The following POFUT3 variants were observed in gnomAD, a reference collection of about 807,000 sequenced individuals.
The protein encoded by POFUT3 is protein O-fucosyltransferase 3.
chr8:33,328,569 G>A, the POFUT3 span, among the ~76,000 whole-genome samples: 231 of 152,220 alleles, frequency 1.5e-3, 4 homozygotes, highest in African/African-American at 5.4e-3. Context: ...GGAGGGAACA[G>A]TCAATGAGTC....
At chr8:33,434,771 T>C in the POFUT3 span, among the ~76,000 whole-genome samples, 126 of 151,940 alleles carry the variant, frequency 8.3e-4, no homozygotes, top group Non-Finnish European at 1.4e-3. Context: ...GATGTGCACC[T>C]CCACCCCTGC....
the POFUT3 span, chr8:33,455,624 T>C: frequency 7.0e-6 from 2 of 284,266 alleles, no homozygotes; most frequent in East Asian, 8.8e-5. Context: ...ACTGAAAGTT[T>C]AGTAGACTAT....
chr8:33,470,622 A>G, the POFUT3 span, among the ~76,000 whole-genome samples: 1 of 152,190 alleles, frequency 6.6e-6, no homozygotes, highest in African/African-American at 2.4e-5. Context: ...TTCCCACCCT[A>G]CAAGATACTC....
chr8:33,386,546 C>T, the POFUT3 span, among the ~76,000 whole-genome samples: 37 of 152,180 alleles, frequency 2.4e-4, no homozygotes, highest in South Asian at 6.2e-4. Flanking sequence ...CGCTGTGGCT[C>T]ATGCCTGTAA....
chr8:33,322,272 G>C, the POFUT3 span, among the ~76,000 whole-genome samples: 1 of 152,074 alleles, frequency 6.6e-6, no homozygotes, highest in Non-Finnish European at 1.5e-5. Flanking sequence ...CTGTGGGCTG[G>C]AGGAGAGATT....
At chr8:33,409,167 A>G in the POFUT3 span, among the ~76,000 whole-genome samples, 1 of 152,174 alleles carries the variant, frequency 6.6e-6, no homozygotes, top group Admixed American at 6.5e-5. Flanking sequence ...TAGTGTCACA[A>G]TCTCGGCTCA....
chr8:33,406,042 T>C, the POFUT3 span, among the ~76,000 whole-genome samples: 1 of 152,162 alleles, frequency 6.6e-6, no homozygotes, highest in Non-Finnish European at 1.5e-5. Context: ...CTCAAATTTC[T>C]AGATATTAGA....
At chr8:33,318,013 C>T in the POFUT3 span, among the ~76,000 whole-genome samples, 7 of 152,068 alleles carry the variant, frequency 4.6e-5, no homozygotes, top group African/African-American at 1.4e-4. Flanking sequence ...GAATAAAATG[C>T]CAATTTCAAA....
the POFUT3 span, among the ~76,000 whole-genome samples, chr8:33,405,445 A>G: frequency 1.3e-5 from 2 of 152,202 alleles, no homozygotes; most frequent in Non-Finnish European, 2.9e-5. Flanking sequence ...CTCATTAAAA[A>G]ATGATGAAGC....
At chr8:33,468,176 G>A in the POFUT3 span, among the ~76,000 whole-genome samples, 1 of 151,584 alleles carries the variant, frequency 6.6e-6, no homozygotes, top group Non-Finnish European at 1.5e-5. Flanking sequence ...GGAGGCAGAG[G>A]ATGCAGTGAG....
At chr8:33,454,380 C>T in the POFUT3 span, among the ~76,000 whole-genome samples, 3 of 152,222 alleles carry the variant, frequency 2.0e-5, no homozygotes, top group Admixed American at 6.5e-5. Flanking sequence ...CACCTCTTCT[C>T]TCTGACCATG....
chr8:33,391,272 G>A, the POFUT3 span, among the ~76,000 whole-genome samples: 6,959 of 152,200 alleles, frequency 0.046, 521 homozygotes, highest in African/African-American at 0.16. Flanking sequence ...ATCAGATAAG[G>A]TTATGTCACA....
At chr8:33,341,291 C>A in the POFUT3 span, among the ~76,000 whole-genome samples, 1 of 151,606 alleles carries the variant, frequency 6.6e-6, no homozygotes, top group Non-Finnish European at 1.5e-5. Flanking sequence ...AAGAATTAGC[C>A]GAGGCTGGTG....
chr8:33,375,883 G>C, the POFUT3 span, among the ~76,000 whole-genome samples: 6 of 151,994 alleles, frequency 3.9e-5, no homozygotes, highest in Non-Finnish European at 8.8e-5. Context: ...CGGGTGTGGT[G>C]GCGCGTGCCT....
At chr8:33,400,709 G>A in the POFUT3 span, among the ~76,000 whole-genome samples, 1 of 152,002 alleles carries the variant, frequency 6.6e-6, no homozygotes, top group African/African-American at 2.4e-5. Context: ...AGTTAAATTG[G>A]TTTAAGTATC....
At chr8:33,363,865 T>G in the POFUT3 span, among the ~76,000 whole-genome samples, 1 of 152,204 alleles carries the variant, frequency 6.6e-6, no homozygotes, top group Non-Finnish European at 1.5e-5. Flanking sequence ...GTACCATTCC[T>G]TCTGAAACTA....
the POFUT3 span, among the ~76,000 whole-genome samples, chr8:33,399,701 C>T: frequency 3.3e-5 from 5 of 151,814 alleles, no homozygotes; most frequent in South Asian, 1.0e-3. Context: ...ATTGCCCAGG[C>T]TGGAATGCAG....
chr8:33,352,726 C>T, the POFUT3 span, among the ~76,000 whole-genome samples: 2 of 152,174 alleles, frequency 1.3e-5, no homozygotes, highest in Non-Finnish European at 2.9e-5. Flanking sequence ...TTGGGAAAAG[C>T]CACATGTCTC....
At chr8:33,461,191 AAGGGAGGGAGGGAGGG>A in the POFUT3 span, among the ~76,000 whole-genome samples, 2,230 of 26,304 alleles carry the variant, frequency 0.085, 71 homozygotes, top group Non-Finnish European at 0.14. Context: ...GGAAGGAAGG[AAGGGAGGGAGGGAGGG>A]AGGGAGGGAG....
Sources: allele counts gnomAD v4.1 joint callset (sites outside exome capture counted in the v4.1 genomes callset), GRCh38; gene constraint gnomAD v4.1.1; transcripts MANE v1.5; gene names NCBI Gene and HGNC (gene_info 2026-07-23, HGNC 2026-07-21).